Variants in LRP1B observed in about 807,000 individuals in gnomAD.
The protein encoded by LRP1B is LDL receptor related protein 1B, also known as low-density lipoprotein receptor-related protein 1B.
Under a neutral mutation model 556.6 loss-of-function variants are expected in LRP1B, and 217 were observed. The ratio of observed to expected loss-of-function variants is 0.39; its 90% confidence interval spans 0.35 to 0.44. LRP1B has a LOEUF of 0.44. Among genes scored for constraint, LRP1B ranks in the 20% least tolerant of loss-of-function variants. The pLI is 1.00. For missense variants in LRP1B, 5,053 were observed against 5,620.8 expected, an observed-to-expected ratio of 0.90 and a Z score of 3.23; for synonymous variants, 2,047 against 1,865.8, an observed-to-expected ratio of 1.10 and a Z score of -2.50.
intron 41 of LRP1B, among the ~76,000 whole-genome samples, chr2:140,670,991 A>T (rs1034135198): frequency 4.6e-5 from 7 of 152,240 alleles, no homozygotes; most frequent in African/African-American, 1.7e-4. Context: ...GATATAGGGC[A>T]GGCCTACCAT....
At chr2:140,598,387 A>G (rs1014192426) in intron 43 of LRP1B, among the ~76,000 whole-genome samples, 2 of 152,208 alleles carry the variant, frequency 1.3e-5, no homozygotes, top group Non-Finnish European at 2.9e-5. Context: ...ATTAGTTACT[A>G]TTGCTCCAGA....
At chr2:140,330,199 CAAT>C (rs70985089) in intron 79 of LRP1B, among the ~76,000 whole-genome samples, 10,604 of 137,808 alleles carry the variant, frequency 0.077, 544 homozygotes, top group African/African-American at 0.15. Context: ...GACTCTGTCT[CAAT>C]AATAATAATA....
At chr2:140,866,602 G>A (rs1440260995) in intron 27 of LRP1B, among the ~76,000 whole-genome samples, 1 of 152,008 alleles carries the variant, frequency 6.6e-6, no homozygotes, top group Non-Finnish European at 1.5e-5. Context: ...GAAATTGAGA[G>A]TATCTGGGAA....
At chr2:141,822,828 A>C (rs760863560) in intron 1 of LRP1B, among the ~76,000 whole-genome samples, 22 of 152,172 alleles carry the variant, frequency 1.4e-4, no homozygotes, top group Non-Finnish European at 3.1e-4. Context: ...AGGGGTCTCC[A>C]CCTACAAGCT....
chr2:142,000,277 C>T (rs1702615796), intron 1 of LRP1B, among the ~76,000 whole-genome samples: 1 of 152,118 alleles, frequency 6.6e-6, no homozygotes, highest in African/African-American at 2.4e-5. Context: ...GACTTCCTTG[C>T]TTTCATAATT....
intron 7 of LRP1B, among the ~76,000 whole-genome samples, chr2:141,165,949 T>A (rs1278837874): frequency 6.6e-6 from 1 of 152,028 alleles, no homozygotes; most frequent in Non-Finnish European, 1.5e-5. Context: ...ACCTTTTATG[T>A]TCACAAGCTC....
chr2:140,343,964 A>G (rs939466362), intron 77 of LRP1B, among the ~76,000 whole-genome samples: 1 of 151,746 alleles, frequency 6.6e-6, no homozygotes, highest in African/African-American at 2.4e-5. Flanking sequence ...AGGGAATTAG[A>G]TGACCATATG....
At chr2:141,607,261 T>C (rs1423967011) in intron 2 of LRP1B, among the ~76,000 whole-genome samples, 2 of 152,228 alleles carry the variant, frequency 1.3e-5, no homozygotes, top group South Asian at 2.1e-4. Flanking sequence ...AAAAACATGT[T>C]GCAAATTACT....
intron 60 of LRP1B, among the ~76,000 whole-genome samples, chr2:140,460,162 G>A (rs958795258): frequency 4.6e-5 from 7 of 152,134 alleles, no homozygotes; most frequent in Admixed American, 6.5e-5. Flanking sequence ...GTAAATAAAA[G>A]TACTGGTATT....
chr2:141,077,265 AAAAC>A (rs146798676), intron 7 of LRP1B, among the ~76,000 whole-genome samples: 61,585 of 151,402 alleles, frequency 0.41, 14,097 homozygotes, highest in Non-Finnish European at 0.53. Flanking sequence ...AACAAAAACA[AAAAC>A]AAACAAACAA....
intron 2 of LRP1B, among the ~76,000 whole-genome samples, chr2:141,707,574 G>A (rs1486697183): frequency 6.6e-6 from 1 of 152,128 alleles, no homozygotes; most frequent in African/African-American, 2.4e-5. Context: ...CACACACAGG[G>A]CTGTGAAATG....
intron 18 of LRP1B, among the ~76,000 whole-genome samples, chr2:140,960,268 A>G (rs534137813): frequency 6.6e-6 from 1 of 151,982 alleles, no homozygotes; most frequent in African/African-American, 2.4e-5. Context: ...AATACCCAAA[A>G]TAGACAGCTT....
At chr2:141,375,374 G>A (rs892411611) in intron 3 of LRP1B, among the ~76,000 whole-genome samples, 5 of 152,256 alleles carry the variant, frequency 3.3e-5, no homozygotes, top group Admixed American at 2.6e-4. Flanking sequence ...GGCATGTTTG[G>A]AAGCTAGCAG....
intron 86 of LRP1B, among the ~76,000 whole-genome samples, chr2:140,249,045 GAAAAA>G (rs5834726): frequency 1.3e-5 from 2 of 150,156 alleles, no homozygotes; most frequent in Non-Finnish European, 1.5e-5. Context: ...TCATTTAAAA[GAAAAA>G]AAAAACTAAA....
At chr2:142,077,099 T>A (rs960883814) in intron 1 of LRP1B, among the ~76,000 whole-genome samples, 6 of 152,086 alleles carry the variant, frequency 3.9e-5, no homozygotes. Flanking sequence ...AGGTTAAGCA[T>A]AAAGGCAAGT....
chr2:140,643,602 T>A (rs954466912), intron 41 of LRP1B, among the ~76,000 whole-genome samples: 11 of 152,194 alleles, frequency 7.2e-5, no homozygotes, highest in Non-Finnish European at 1.5e-4. Flanking sequence ...GGTAACCCAC[T>A]GAGGCCTTAG....
chr2:141,204,432 C>T (rs1353739440), intron 6 of LRP1B, among the ~76,000 whole-genome samples: 1 of 150,434 alleles, frequency 6.6e-6, no homozygotes, highest in African/African-American at 2.5e-5. Context: ...CCTGCAATGG[C>T]CAGTTTATGG....
At chr2:141,843,432 GC>G (rs905231808) in intron 1 of LRP1B, among the ~76,000 whole-genome samples, 4 of 152,074 alleles carry the variant, frequency 2.6e-5, no homozygotes, top group Non-Finnish European at 5.9e-5. Context: ...ACAAGATAAT[GC>G]CAAGGCTAAT....
intron 41 of LRP1B, among the ~76,000 whole-genome samples, chr2:140,673,714 A>G (rs1685567996): frequency 6.6e-6 from 1 of 152,134 alleles, no homozygotes; most frequent in Non-Finnish European, 1.5e-5. Flanking sequence ...CCCCCTTCTC[A>G]GTCAAGGGGA....
Sources: gnomAD v4.1 joint callset for allele counts (sites outside exome capture counted in the v4.1 genomes callset) on GRCh38, gnomAD v4.1.1 for gene constraint, MANE v1.5 for transcripts, NCBI Gene and HGNC (gene_info 2026-07-23, HGNC 2026-07-21) for gene names.